The following RNPEP variants were observed in gnomAD, a reference collection of about 807,000 sequenced individuals.
RNPEP encodes aminopeptidase B.
A neutral mutation model predicts 70.1 loss-of-function variants in RNPEP; 57 were observed. The ratio of observed to expected loss-of-function variants is 0.81; its 90% CI spans 0.66 to 1.01. The LOEUF (loss-of-function observed/expected upper bound fraction) is 1.01, where lower values mean the gene tolerates loss of function less well. Ranked by LOEUF, RNPEP falls within the 50% of genes least tolerant of loss-of-function variation. The pLI is 0.00. For missense variants in RNPEP, 787 were observed against 852.4 expected (o/e 0.92, Z 0.96); for synonymous variants, 335 against 357.4 (o/e 0.94, Z 0.71).
At chr1:201,989,666 A>C (rs903146534) in intron 3 of RNPEP, 135 bp downstream of exon 3, 67 of 834,246 alleles carry the variant, frequency 8.0e-5, no homozygotes, top group Non-Finnish European at 1.1e-4. Flanking sequence ...TCTGCAGCTC[A>C]TGCAGCATGA....
Position 202,004,447 on chromosome 1 carries a change from A to T in RNPEP, c.1745A>T (p.Asn582Ile). ...CGATGGGGCCAAATCGTCCTTAAGAACGACCACCAGGAAGATTTCTGGAAA... is the reference window on the plus strand; with the variant it reads ...CGATGGGGCCAAATCGTCCTTAAGATCGACCACCAGGAAGATTTCTGGAAA... ...RLRWGQIVLK[N>I]DHQEDFWKVK... The change falls in exon 10 of 11, where the codon AAC becomes ATC. Residue 582 changes from asparagine to isoleucine, a missense_variant. Transcript: ENST00000295640. 1 of 1,614,138 alleles carries T rather than the reference A, an allele frequency of 6.2e-7. No individual in the cohort carries two copies. The highest frequency in any genetic ancestry group is 2.2e-5 in the East Asian group (1 of 44,882).
intron 9 of RNPEP, among the ~76,000 whole-genome samples, chr1:202,003,925 G>A (rs533667063): frequency 6.6e-6 from 1 of 152,248 alleles, no homozygotes; most frequent in South Asian, 2.1e-4. Context: ...ATGCTTTGTG[G>A]CTGCTCAGTC....
rs1683556285 is a variant in RNPEP at position 201,996,465 on chromosome 1, T to TGTGTG, written c.854+202_854+203insGTGTG. The stretch of plus-strand genomic sequence containing the variant: ...GAGAGGGCCTAGGAGATGAGGTTCT[T>TGTGTG]TGTGTGTGTGTGTGTGTGTGTGTGT... On this transcript the variant is annotated intron_variant, in intron 4 of 10. Transcript: ENST00000295640. 8.6e-5 allele frequency: 20 copies of TGTGTG among 233,098 alleles called. No homozygotes were observed. The South Asian group carries it at 8.9e-4, about 10-fold the overall frequency. 14.4% of individuals were successfully genotyped at this position (233,098 alleles called of 1,614,324 possible).
intron 5 of RNPEP, among the ~76,000 whole-genome samples, chr1:201,999,423 C>T (rs538590598): frequency 2.4e-4 from 36 of 151,648 alleles, no homozygotes; most frequent in Non-Finnish European, 4.6e-4. Flanking sequence ...CCTGTAATCC[C>T]GGCTACTCAG....
At chr1:201,996,037 C>T (rs1683535040) in intron 3 of RNPEP, 110 bp from the exon 4 acceptor site, 1 of 762,472 alleles carries the variant, frequency 1.3e-6, no homozygotes. Context: ...TGGCTGACTG[C>T]ATTGTCACAT....
Position 202,004,492 on chromosome 1 carries a change from A to C in RNPEP, c.1790A>C (p.Asn597Thr). ...TGGAAAGTGAAGGAGTTCCTGCATA[A>C]CCAGGTGGGTGACCCCTGCCTCGCT... ...DFWKVKEFLH[N>T]QGKQKYTLPL... Residue 597 changes from asparagine to threonine, a missense_variant, in exon 10 of 11, where the codon AAC (asparagine) becomes ACC (threonine). Transcript: ENST00000295640. 1 of 1,613,564 alleles carries C rather than the reference A, an allele frequency of 6.2e-7. No homozygotes were observed. Among genetic ancestry groups the C allele is most frequent in the Non-Finnish European group, 8.5e-7 (1 of 1,179,972 alleles).
chr1:202,005,671 T>C lies in RNPEP; in HGVS notation c.1908T>C (p.Asn636=). The C allele has an allele frequency of 6.2e-7, 1 of 1,614,216 alleles. No homozygotes were observed. Among genetic ancestry groups the C allele is most frequent in the Non-Finnish European group, 8.5e-7 (1 of 1,180,040 alleles). ...CCACCGCCTCCCAGCTCCACAGCAATGTTGTCAACTATGTCCAGCAGATCG... is the reference window on the plus strand; with the variant it reads ...CCACCGCCTCCCAGCTCCACAGCAACGTTGTCAACTATGTCCAGCAGATCG... ...FASTASQLHS[N]VVNYVQQIVA... Residue 636 remains asparagine (N), a synonymous_variant, in exon 11 of 11, where the codon AAT becomes AAC. Coordinates refer to ENST00000295640, the MANE Select transcript of RNPEP (RefSeq NM_020216.4).
rs1174286175 is a variant in RNPEP, at chr1:201,996,264, G to A, written c.854+1G>A. 3 of 1,591,462 alleles carry A rather than the reference G, an allele frequency of 1.9e-6. No individual in the cohort carries two copies. Among genetic ancestry groups the A allele is most frequent in the Admixed American group, 1.7e-5 (1 of 59,960 alleles). On this transcript the variant is annotated splice_donor_variant, in intron 4 of 10. Transcript: ENST00000295640. LOFTEE classifies it high-confidence loss of function. The stretch of plus-strand genomic sequence containing the variant: ...TTTTTGGACCTTATGTTTGGGGAAG[G>A]TGTGGTATCACATTGACTCTAGTGT...
intron 8 of RNPEP, 190 bp from the exon 9 acceptor site, chr1:202,003,045 GCA>G (rs776867528): frequency 1.9e-5 from 11 of 571,760 alleles, no homozygotes; most frequent in African/African-American, 3.7e-5. Context: ...GGTCGAAACG[GCA>G]CAGTCTCTAG....
At chr1:201,992,358 G>A (rs182876095) in intron 3 of RNPEP, among the ~76,000 whole-genome samples, 27 of 152,160 alleles carry the variant, frequency 1.8e-4, no homozygotes, top group Middle Eastern at 6.8e-3. Context: ...CTCTACTCAG[G>A]GAGCCTTCTC....
chr1:201,998,406 C>T (rs1683652107), intron 5 of RNPEP, among the ~76,000 whole-genome samples: 1 of 151,948 alleles, frequency 6.6e-6, no homozygotes, highest in African/African-American at 2.4e-5. Context: ...CCACCATGCC[C>T]AGCTAGTTTT....
At chr1:201,989,669 C>A in intron 3 of RNPEP, 138 bp downstream of exon 3, 2 of 807,672 alleles carry the variant, frequency 2.5e-6, no homozygotes, top group Non-Finnish European at 4.0e-6. Flanking sequence ...GCAGCTCATG[C>A]AGCATGAGCA....
intron 6 of RNPEP, among the ~76,000 whole-genome samples, chr1:202,000,849 G>A (rs573013206): frequency 2.7e-5 from 4 of 149,810 alleles, no homozygotes; most frequent in East Asian, 2.0e-4. Flanking sequence ...AGCTGAGATC[G>A]TGCCACTGCA....
intron 3 of RNPEP, 85 bp downstream of exon 3, chr1:201,989,616 C>A: frequency 7.1e-7 from 1 of 1,413,720 alleles, no homozygotes; most frequent in Non-Finnish European, 9.8e-7. Flanking sequence ...TGGGGGGGTT[C>A]TTGGGCAGTC....
At chr1:201,996,334 T>A in intron 4 of RNPEP, 71 bp downstream of exon 4, 1 of 1,115,802 alleles carries the variant, frequency 9.0e-7, no homozygotes, top group Non-Finnish European at 1.4e-6. Context: ...CCTCTTCGTG[T>A]GGCTTTTCCA....
intron 5 of RNPEP, among the ~76,000 whole-genome samples, chr1:201,999,354 C>T (rs930355015): frequency 3.3e-5 from 5 of 151,906 alleles, no homozygotes; most frequent in Middle Eastern, 3.4e-3. Flanking sequence ...GCTTGGCCAA[C>T]GTGGTAAAGC....
chr1:201,986,870 G>A (rs1476258719), intron 1 of RNPEP, among the ~76,000 whole-genome samples: 1 of 152,066 alleles, frequency 6.6e-6, no homozygotes, highest in Admixed American at 6.6e-5. Flanking sequence ...TATTGAGGGC[G>A]CATAGTATCC....
intron 3 of RNPEP, among the ~76,000 whole-genome samples, chr1:201,990,100 C>T (rs1188121267): frequency 6.6e-6 from 1 of 152,306 alleles, no homozygotes; most frequent in East Asian, 1.9e-4. Context: ...CCGCCTTGGC[C>T]TCCCAAAGTG....
At chr1:201,983,138 G>A in intron 1 of RNPEP, 25 bp downstream of exon 1, 1 of 1,436,870 alleles carries the variant, frequency 7.0e-7, no homozygotes. Context: ...GACTGCGCCC[G>A]CCGCTGCCTG....
Sources: gnomAD v4.1 joint callset for allele counts (sites outside exome capture counted in the v4.1 genomes callset) on GRCh38, gnomAD v4.1.1 for gene constraint, MANE v1.5 for transcripts, NCBI Gene and HGNC (gene_info 2026-07-23, HGNC 2026-07-21) for gene names.